The following PCDHA2 variants were observed in gnomAD, a reference collection of about 807,000 sequenced individuals.
PCDHA2 encodes the protein protocadherin alpha-2.
PCDHA2 carries 58 observed loss-of-function variants against 66.0 expected under a neutral mutation model. The ratio of observed to expected loss-of-function variants is 0.88; its 90% CI spans 0.71 to 1.09. The LOEUF (loss-of-function observed/expected upper bound fraction) is 1.09. Ranked by LOEUF, PCDHA2 falls within the 50% of genes least tolerant of loss-of-function variation. The pLI, the probability that PCDHA2 is intolerant of heterozygous loss-of-function variation, is 0.00. For missense variants in PCDHA2, 1,267 were observed against 1,242.3 expected (o/e 1.02, Z -0.30); for synonymous variants, 634 against 554.0 (o/e 1.14, Z -2.03).
rs782568724 is a variant in PCDHA2, at chr5:140,927,659, A to C, written c.2389-51290A>C. Reference sequence around the variant, plus strand: ...AATGGGACTGTGTTATTCCGAGTTCAAGCCTTGGATCCAGATGAAGGGTCC... The same window carrying C: ...AATGGGACTGTGTTATTCCGAGTTCCAGCCTTGGATCCAGATGAAGGGTCC... On this transcript the variant is annotated intron_variant, in intron 1 of 3. Coordinates refer to ENST00000526136, the MANE Select transcript of PCDHA2 (RefSeq NM_018905.3). 4 of 1,614,108 alleles carry C rather than the reference A, an allele frequency of 2.5e-6. No homozygotes were observed. In the East Asian group the frequency reaches 6.7e-5, roughly 27 times the overall value.
At chr5:140,843,497 C>A in intron 1 of PCDHA2, 1 of 1,596,022 alleles carries the variant, frequency 6.3e-7, no homozygotes, top group Non-Finnish European at 8.6e-7. Context: ...GTGCTCAGCA[C>A]TGCCCACTGA....
chr5:140,840,681 G>A (rs1776812728), intron 1 of PCDHA2, among the ~76,000 whole-genome samples: 1 of 152,038 alleles, frequency 6.6e-6, no homozygotes, highest in African/African-American at 2.4e-5. Flanking sequence ...TATTACTTTA[G>A]TAAATAAAAC....
Position 140,796,387 on chromosome 5 carries a change from T to G in PCDHA2, c.1423T>G (p.Phe475Val). ...KENNPPGCHI[F>V]TVSAWDADAQ... ...GAACAACCCGCCGGGCTGCCACATC[T>G]TCACGGTGTCAGCGTGGGATGCGGA... Residue 475 changes from phenylalanine (F) to valine (V), a missense_variant, in exon 1 of 4, where the codon TTC becomes GTC. Phe to Val is a conservative substitution (Grantham distance 50). Transcript: ENST00000526136. 6.2e-7 allele frequency: 1 copy of G among 1,613,538 alleles called. No individual in the cohort carries two copies. Among genetic ancestry groups the G allele is most frequent in the South Asian group, 1.1e-5 (1 of 91,050 alleles).
chr5:141,004,144 A>C (rs1451902723), intron 3 of PCDHA2, among the ~76,000 whole-genome samples: 3 of 152,250 alleles, frequency 2.0e-5, no homozygotes, highest in Non-Finnish European at 2.9e-5. Context: ...CCCCAAAGGC[A>C]TGACATTTTA....
chr5:140,973,799 A>G (rs1470568019), intron 1 of PCDHA2, among the ~76,000 whole-genome samples: 1 of 152,254 alleles, frequency 6.6e-6, no homozygotes, highest in African/African-American at 2.4e-5. Flanking sequence ...CATGCTGTCT[A>G]CTTGACAGAA....
chr5:140,858,852 T>A lies in PCDHA2; in HGVS notation c.2388+61500T>A, dbSNP rs1327075015. The A allele has an allele frequency of 2.5e-5, 7 of 281,540 alleles. 1 individual carries two copies. The highest frequency in any genetic ancestry group is 4.7e-5 in the Non-Finnish European group (7 of 148,550). The allele number at this position is 281,540 out of a possible 1,614,324, so 17.4% of individuals were successfully genotyped here. On this transcript the variant is annotated intron_variant, in intron 1 of 3. Coordinates refer to ENST00000526136, the MANE Select transcript of PCDHA2 (RefSeq NM_018905.3). ...TACCAAAAAATTCCACTGATCTATA[T>A]CTCTTCAGTGAAAATGTGTTTTCCT... is the stretch of plus-strand genomic sequence containing the variant.
intron 1 of PCDHA2, chr5:140,877,311 G>T: frequency 6.2e-7 from 1 of 1,613,970 alleles, no homozygotes. Flanking sequence ...AGTTGCAACC[G>T]GCGGCGGTCG....
At chr5:140,887,524 G>A (rs2061480235) in intron 1 of PCDHA2, among the ~76,000 whole-genome samples, 2 of 152,090 alleles carry the variant, frequency 1.3e-5, no homozygotes, top group African/African-American at 4.8e-5. Flanking sequence ...TTATATATGA[G>A]TCTTCCTCTC....
intron 1 of PCDHA2, chr5:140,853,562 C>G (rs902693862): frequency 1.0e-6 from 1 of 981,152 alleles, no homozygotes; most frequent in South Asian, 4.8e-5. Flanking sequence ...ATAGGAAAAA[C>G]TAAGTTGTCA....
rs144770143 is a variant in PCDHA2 at position 140,947,157 on chromosome 5, G to A, written c.2389-31792G>A. Among the ~76,000 whole-genome samples the A allele has an allele frequency of 6.6e-3, 992 of 151,208 alleles. 6 individuals are homozygous for A. The highest frequency in any genetic ancestry group is 0.022 in the African/African-American group (913 of 41,346). ...TAAAATGTATAGTTACTTCCACGGG[G>A]TAGAAAATGTGGTATATATTCATGG... On this transcript the variant is annotated intron_variant, in intron 1 of 3. Transcript: ENST00000526136.
Position 140,882,398 on chromosome 5 carries a change from T to C in PCDHA2, c.2388+85046T>C, listed in dbSNP as rs782596260. The C allele has an allele frequency of 5.6e-6, 9 of 1,614,040 alleles. No individual in the cohort carries two copies. In the African/African-American group the frequency reaches 9.3e-5, roughly 17 times the overall value. On this transcript the variant is annotated intron_variant, in intron 1 of 3. Coordinates refer to ENST00000526136, the MANE Select transcript of PCDHA2 (RefSeq NM_018905.3). ...CCCCGAGGAAGCAAAACACGGCACCTTCGTGGGCCGCATCGCTCAGGACCT... is the reference window on the plus strand; with the variant it reads ...CCCCGAGGAAGCAAAACACGGCACCCTCGTGGGCCGCATCGCTCAGGACCT...
intron 1 of PCDHA2, among the ~76,000 whole-genome samples, chr5:140,887,231 A>G (rs570148204): frequency 7.0e-4 from 106 of 151,572 alleles, no homozygotes; most frequent in Admixed American, 1.4e-3. Context: ...CGAGTAGCTG[A>G]GACTACCGGC....
Position 140,823,949 on chromosome 5 carries a change from A to C in PCDHA2, c.2388+26597A>C, listed in dbSNP as rs2150130667. On this transcript the variant is annotated intron_variant, in intron 1 of 3. Transcript: ENST00000526136. ...TACACCGCGCTGCGGTGCTCGGCGC[A>C]GCCCACCGAGGCCGTGTGCACACGG... is the stretch of plus-strand genomic sequence containing the variant. 3 of 1,613,920 alleles carry C rather than the reference A, an allele frequency of 1.9e-6. No individual in the cohort carries two copies. The Admixed American group carries it at 5.0e-5, about 27-fold the overall frequency.
chr5:140,795,096 C>T lies in PCDHA2; in HGVS notation c.132C>T (p.Phe44=). 6.2e-7 allele frequency: 1 copy of T among 1,614,002 alleles called. No individual in the cohort carries two copies. Among genetic ancestry groups the T allele is most frequent in the Non-Finnish European group, 8.5e-7 (1 of 1,180,038 alleles). ...SVPEEAKHGT[F]VGRIAQDLGL... ...CCGAGGAGGCCAAACACGGCACCTT[C>T]GTGGGCCGCATCGCGCAGGACCTGG... Residue 44 remains phenylalanine (F), a synonymous_variant, in exon 1 of 4, where the codon TTC becomes TTT. Coordinates refer to ENST00000526136, the MANE Select transcript of PCDHA2 (RefSeq NM_018905.3).
chr5:140,820,258 A>G (rs920321259), intron 1 of PCDHA2, among the ~76,000 whole-genome samples: 1 of 151,990 alleles, frequency 6.6e-6, no homozygotes, highest in African/African-American at 2.4e-5. Context: ...TTATAAGGGA[A>G]CTGGTAAATA....
intron 1 of PCDHA2, among the ~76,000 whole-genome samples, chr5:140,972,821 G>A (rs372160406): frequency 3.3e-5 from 5 of 152,010 alleles, no homozygotes; most frequent in East Asian, 3.9e-4. Flanking sequence ...GCGCCACCAC[G>A]CCTGGCTAAT....
chr5:140,842,740 C>T, intron 1 of PCDHA2: 2 of 1,595,054 alleles, frequency 1.3e-6, no homozygotes, highest in Non-Finnish European at 1.7e-6. Context: ...CGGGCTGCCA[C>T]ATCTTCACGG....
rs2150110704 is a variant in PCDHA2 at position 140,821,793 on chromosome 5, A to G, written c.2388+24441A>G. The G allele has an allele frequency of 9.3e-6, 15 of 1,612,486 alleles. No homozygotes were observed. The East Asian group carries it at 3.3e-4, about 36-fold the overall frequency. ...AGATTGAGATGGTATATTCCCGGAG[A>G]GGAAGTCTGGGATCCCGGCTCCTGC... On this transcript the variant is annotated intron_variant, in intron 1 of 3. Coordinates refer to ENST00000526136, the MANE Select transcript of PCDHA2 (RefSeq NM_018905.3).
At position 140,844,006 on chromosome 5, in the gene PCDHA2, C is replaced by T. The variant is rs1258789343; in HGVS notation, c.2388+46654C>T. Among the ~76,000 whole-genome samples, 3 of 149,656 alleles carry T rather than the reference C, an allele frequency of 2.0e-5. No homozygotes were observed. In the Admixed American group the frequency reaches 2.0e-4, roughly 10 times the overall value. ...ACAGCCGTCTTCTCTGAACAATACT[C>T]TAAGGACGTTCAGGGCATTTTGATC... is the stretch of plus-strand genomic sequence containing the variant. On this transcript the variant is annotated intron_variant, in intron 1 of 3. Coordinates refer to ENST00000526136, the MANE Select transcript of PCDHA2 (RefSeq NM_018905.3).
Sources: allele counts gnomAD v4.1 joint callset (sites outside exome capture counted in the v4.1 genomes callset), GRCh38; gene constraint gnomAD v4.1.1; transcripts MANE v1.5; gene names NCBI Gene and HGNC (gene_info 2026-07-23, HGNC 2026-07-21).